WNT2: variants seen among roughly 807,000 people sequenced by gnomAD.
WNT2 encodes the protein Wnt family member 2.
Under a neutral mutation model 36.9 loss-of-function variants are expected in WNT2, and 12 were observed. The observed-to-expected ratio is 0.33, with a 90% confidence interval of 0.21 to 0.53. The LOEUF is 0.53. WNT2 is among the 20% of genes least tolerant of loss of function. The pLI is 0.95. For missense variants in WNT2, 379 were observed against 473.1 expected (o/e 0.80, Z 1.84); for synonymous variants, 163 against 174.6 (o/e 0.93, Z 0.52).
At chr7:117,317,063 C>A (rs1055322738) in intron 2 of WNT2, among the ~76,000 whole-genome samples, 1 of 152,110 alleles carries the variant, frequency 6.6e-6, no homozygotes, top group South Asian at 2.1e-4. Context: ...GATTTAGAAG[C>A]CGGCGCCCAT....
chr7:117,322,968 T>C lies in WNT2; in HGVS notation c.22A>G (p.Ile8Val), dbSNP rs749872402. ...AAGAGCAGAGGGAGCCAGAGCCAGA[T>C]TCCACCGAGAGGGGCGTTCATATTA... MNAPLGG[I>V]WLWLPLLLTW... The change falls in exon 1 of 5, where the codon ATC (isoleucine) becomes GTC (valine). Residue 8 changes from isoleucine to valine, a missense_variant. Physicochemically the swap from Ile to Val is conservative, Grantham distance 29. Coordinates refer to ENST00000265441, the MANE Select transcript of WNT2 (RefSeq NM_003391.3). This position sits in a 1 kb window ranked among gnomAD's most constrained non-coding sequence, Gnocchi z 5.4. 28 of 1,611,148 alleles carry C rather than the reference T, an allele frequency of 1.7e-5. No individual in the cohort carries two copies. The highest frequency in any genetic ancestry group is 1.0e-4 in the Admixed American group (6 of 59,662).
intron 4 of WNT2, among the ~76,000 whole-genome samples, chr7:117,297,199 C>T (rs1794807112): frequency 6.6e-6 from 1 of 152,140 alleles, no homozygotes; most frequent in African/African-American, 2.4e-5. Context: ...ATCCATTTCT[C>T]CAGTTGCTTA....
At position 117,293,262 on chromosome 7, in the gene WNT2, T is replaced by C. The variant is rs6955985; in HGVS notation, c.853+4350A>G. ...GCATCAGTTGCACAAACCTAATTGATAAAACAAGCCAGCTCACATCAGTCA... is the reference window on the plus strand; with the variant it reads ...GCATCAGTTGCACAAACCTAATTGACAAAACAAGCCAGCTCACATCAGTCA... On this transcript the variant is annotated intron_variant, in intron 4 of 4. Coordinates refer to ENST00000265441, the MANE Select transcript of WNT2 (RefSeq NM_003391.3). Among the ~76,000 whole-genome samples, 1,074 of 152,198 alleles carry C rather than the reference T, an allele frequency of 7.1e-3. 14 individuals carry two copies. The highest frequency in any genetic ancestry group is 0.025 in the African/African-American group (1,018 of 41,518).
At chr7:117,308,427 A>T (rs937873435) in intron 3 of WNT2, among the ~76,000 whole-genome samples, 2 of 152,230 alleles carry the variant, frequency 1.3e-5, no homozygotes, top group African/African-American at 2.4e-5. Context: ...CACTAACAAT[A>T]GAACTTTACA....
chr7:117,286,773 GACA>G (rs567118768), intron 4 of WNT2, among the ~76,000 whole-genome samples: 176 of 152,336 alleles, frequency 1.2e-3, no homozygotes, highest in Admixed American at 1.6e-3. Flanking sequence ...ACATAGGAAA[GACA>G]ATATCTTCAC....
intron 4 of WNT2, among the ~76,000 whole-genome samples, chr7:117,283,951 G>A (rs933119223): frequency 6.6e-6 from 1 of 152,128 alleles, no homozygotes; most frequent in African/African-American, 2.4e-5. Flanking sequence ...GAGCTGTGAC[G>A]GGCCCCCATG....
intron 2 of WNT2, among the ~76,000 whole-genome samples, chr7:117,319,088 C>T (rs1054260181): frequency 6.6e-6 from 1 of 151,998 alleles, no homozygotes; most frequent in African/African-American, 2.4e-5. Flanking sequence ...AAAAAAAATC[C>T]TGATATGTTT....
chr7:117,280,284 A>G (rs1281644490), intron 4 of WNT2, among the ~76,000 whole-genome samples: 1 of 152,142 alleles, frequency 6.6e-6, no homozygotes, highest in Non-Finnish European at 1.5e-5. Flanking sequence ...AGTCCTCAAA[A>G]TTTACTGATT....
At chr7:117,301,109 G>A (rs925429677) in intron 3 of WNT2, 7 of 152,120 alleles carry the variant, frequency 4.6e-5, no homozygotes, top group African/African-American at 1.7e-4. Flanking sequence ...AGGTACCATG[G>A]TCACTTCTTG....
rs1452895883 is a variant in WNT2, at chr7:117,284,949, C to G, written c.854-6565G>C. Reference sequence around the variant, plus strand: ...CTGACTGTAGAGCTCAAGCTCTTGACAGTCGTGACATTCTGACCCTTTGCC... The same window carrying G: ...CTGACTGTAGAGCTCAAGCTCTTGAGAGTCGTGACATTCTGACCCTTTGCC... On this transcript the variant is annotated intron_variant, in intron 4 of 4. Coordinates refer to ENST00000265441, the MANE Select transcript of WNT2 (RefSeq NM_003391.3). The surrounding 1 kb of genome is among the most constrained non-coding windows in gnomAD (Gnocchi z 5.2). Among the ~76,000 whole-genome samples, 10 of 152,248 alleles carry G rather than the reference C, an allele frequency of 6.6e-5. No individual in the cohort carries two copies. The highest frequency in any genetic ancestry group is 2.1e-4 in the South Asian group (1 of 4,834).
At chr7:117,278,528 G>A in intron 4 of WNT2, 144 bp from the exon 5 acceptor site, 1 of 797,822 alleles carries the variant, frequency 1.3e-6, no homozygotes, top group Non-Finnish European at 1.9e-6. Flanking sequence ...CTCGTTCTGT[G>A]GGCCCATGCC....
chr7:117,287,954 C>CTCCA (rs1376591131), intron 4 of WNT2, among the ~76,000 whole-genome samples: 5 of 152,080 alleles, frequency 3.3e-5, no homozygotes, highest in Middle Eastern at 3.4e-3. Flanking sequence ...GGCCATTGTA[C>CTCCA]TCCAGCCTAG....
At chr7:117,313,460 A>G (rs770253446) in intron 3 of WNT2, among the ~76,000 whole-genome samples, 5 of 152,220 alleles carry the variant, frequency 3.3e-5, no homozygotes, top group Non-Finnish European at 7.3e-5. Context: ...TGTGATTTAC[A>G]TTAAAAGTTG....
chr7:117,297,614 G>T lies in WNT2; in HGVS notation c.851C>A (p.Ala284Glu). 2 of 1,603,726 alleles carry T rather than the reference G, an allele frequency of 1.2e-6. No individual in the cohort carries two copies. Among genetic ancestry groups the T allele is most frequent in the Non-Finnish European group, 1.7e-6 (2 of 1,171,186 alleles). The change falls in exon 4 of 5, where the codon GCA becomes GAA. Residue 284 changes from alanine to glutamate, a missense_variant and splice_region_variant. Physicochemically the swap from Ala to Glu is moderately radical, Grantham distance 107. Coordinates refer to ENST00000265441, the MANE Select transcript of WNT2 (RefSeq NM_003391.3). ...TAAAGAAAGTCTTTTGAACTTACCT[G>T]CCTCTCGGTCCCTGATACAGTAGTC... is the stretch of plus-strand genomic sequence containing the variant. ...SPDYCIRDRE[A>E]GSLGTAGRVC...
At chr7:117,310,058 T>C (rs543933900) in intron 3 of WNT2, among the ~76,000 whole-genome samples, 1 of 152,242 alleles carries the variant, frequency 6.6e-6, no homozygotes, top group East Asian at 1.9e-4. Context: ...GGGATTACAG[T>C]TGCATGCCAC....
intron 3 of WNT2, among the ~76,000 whole-genome samples, chr7:117,300,616 A>G (rs1427251329): frequency 6.6e-6 from 1 of 152,196 alleles, no homozygotes; most frequent in Non-Finnish European, 1.5e-5. Context: ...CCTGGGCATC[A>G]CAGTGAGACC....
In WNT2 at chr7:117,277,483, A is replaced by G. The variant is rs1794400738; in HGVS notation, c.*672T>C. On this transcript the variant is annotated 3_prime_UTR_variant, in exon 5 of 5. Coordinates refer to ENST00000265441, the MANE Select transcript of WNT2 (RefSeq NM_003391.3). Reference sequence around the variant, plus strand: ...TTTTGCTCTTACAAAGATACAACACACCATAGTACCAAAGGACACACGTCC... The same window carrying G: ...TTTTGCTCTTACAAAGATACAACACGCCATAGTACCAAAGGACACACGTCC... 1 of 152,440 alleles carries G rather than the reference A, an allele frequency of 6.6e-6. No individual in the cohort carries two copies. Among genetic ancestry groups the G allele is most frequent in the Admixed American group, 6.5e-5 (1 of 15,298 alleles). The allele number at this position is 152,440 out of a possible 1,614,324, so 9.4% of individuals were successfully genotyped here.
chr7:117,307,584 A>G (rs1219867441), intron 3 of WNT2, among the ~76,000 whole-genome samples: 1 of 152,222 alleles, frequency 6.6e-6, no homozygotes, highest in African/African-American at 2.4e-5. Context: ...TATAGTCTAA[A>G]AGGAATTATA....
chr7:117,281,054 G>A (rs1221570172), intron 4 of WNT2, among the ~76,000 whole-genome samples: 1 of 152,206 alleles, frequency 6.6e-6, no homozygotes, highest in Admixed American at 6.5e-5. Flanking sequence ...TTAGAGATAG[G>A]TGTAAAGGAT....
Sources: gnomAD v4.1 joint callset for allele counts (sites outside exome capture counted in the v4.1 genomes callset) on GRCh38, gnomAD v4.1.1 for gene constraint, Gnocchi (gnomAD v3.1) non-coding constraint, MANE v1.5 for transcripts, NCBI Gene and HGNC (gene_info 2026-07-23, HGNC 2026-07-21) for gene names.